Variants in ENOSF1 observed in about 807,000 individuals in gnomAD.
The protein encoded by ENOSF1 is mitochondrial enolase superfamily member 1.
In ENOSF1, 73 loss-of-function variants were observed where a neutral mutation model predicts 68.2. The observed-to-expected ratio is 1.07, with a 90% confidence interval of 0.89 to 1.30. The LOEUF (loss-of-function observed/expected upper bound fraction) is 1.30. Ranked by LOEUF, ENOSF1 falls within the 50% of genes most tolerant of loss-of-function variation. The probability of loss-of-function intolerance (pLI) is 0.00; values close to 1 mark genes in which losing one functional copy is unlikely to be tolerated. For missense variants in ENOSF1, 589 were observed against 554.5 expected (o/e 1.06, Z -0.62); for synonymous variants, 223 against 210.4 (o/e 1.06, Z -0.52).
Position 708,553 on chromosome 18 carries a change from T to C in ENOSF1, c.85-1975A>G, listed in dbSNP as rs1305462632. Among the ~76,000 whole-genome samples, 3 of 152,018 alleles carry C rather than the reference T, an allele frequency of 2.0e-5. No homozygotes were observed. In the South Asian group the frequency reaches 6.2e-4, roughly 32 times the overall value. On this transcript the variant is annotated intron_variant, in intron 1 of 15. Transcript: ENST00000647584. ...TGGTTAAAAAAAAACCTTAATAATA[T>C]AAGGCAGAAAATGCTAAGGCCTGGG... is the stretch of plus-strand genomic sequence containing the variant.
At chr18:669,621 C>T (rs1410919929), downstream of ENOSF1, among the ~76,000 whole-genome samples, 1 of 152,012 alleles carries the variant, frequency 6.6e-6, no homozygotes, top group East Asian at 1.9e-4. Context: ...ATCTGCCTGC[C>T]TCAGCCTCCC....
chr18:693,478 A>G, intron 5 of ENOSF1: 1 of 985,354 alleles, frequency 1.0e-6, no homozygotes, highest in Non-Finnish European at 1.2e-6. Flanking sequence ...CCTGGCCTGG[A>G]TAATATCTTC....
chr18:672,669 G>A lies in ENOSF1; in HGVS notation c.*1636C>T, dbSNP rs1010357412. On this transcript the variant is annotated 3_prime_UTR_variant, in exon 16 of 16. Transcript: ENST00000647584. ...ATGTCACAAAATACCCCTCACTCTCGATCTGTGCAAGAGAACAGCTGGTTG... is the reference window on the plus strand; with the variant it reads ...ATGTCACAAAATACCCCTCACTCTCAATCTGTGCAAGAGAACAGCTGGTTG... The A allele has an allele frequency of 1.3e-5, 6 of 479,208 alleles. No homozygotes were observed. The highest frequency in any genetic ancestry group is 6.2e-5 in the South Asian group (1 of 16,026). 29.7% of individuals were successfully genotyped at this position (479,208 alleles called of 1,614,324 possible).
chr18:693,592 A>G (rs1433834715), intron 5 of ENOSF1: 1 of 985,314 alleles, frequency 1.0e-6, no homozygotes, highest in African/African-American at 1.7e-5. Context: ...CTCTTGTCAT[A>G]GTCAGGCAAT....
At chr18:667,856 C>G (rs957387132), downstream of ENOSF1, 9 of 151,956 alleles carry the variant, frequency 5.9e-5, no homozygotes, top group Non-Finnish European at 1.0e-4. Flanking sequence ...GCCTAGTATT[C>G]AATTATTTCT....
At chr18:666,087 G>A (rs1431198364), downstream of ENOSF1, among the ~76,000 whole-genome samples, 9 of 105,382 alleles carry the variant, frequency 8.5e-5, 1 homozygote, top group Non-Finnish European at 1.4e-4. Flanking sequence ...TTTCTGTCTC[G>A]TTGATCTGTC....
rs191727615 is a variant in ENOSF1 at position 671,845 on chromosome 18, T to A, written c.*2460A>T. 9.9e-6 allele frequency: 2 copies of A among 202,882 alleles called. No homozygotes were observed. The highest frequency in any genetic ancestry group is 4.8e-5 in the African/African-American group (2 of 41,864). 12.6% of individuals were successfully genotyped at this position (202,882 alleles called of 1,614,324 possible). A position where few individuals can be genotyped will look rare whatever the true frequency, so the allele number is the denominator to read the frequency against. On this transcript the variant is annotated 3_prime_UTR_variant, in exon 16 of 16. Coordinates refer to ENST00000647584, the MANE Select transcript of ENOSF1 (RefSeq NM_017512.7). ...CAGGCTGGAGTGTGCCGTGGTGCGA[T>A]CTCAGCTCACTGCAACCTCCACCTC...
rs765531508 is a variant in ENOSF1 at position 694,338 on chromosome 18, G to A, written c.310-4C>T. The A allele has an allele frequency of 1.2e-6, 2 of 1,613,988 alleles. No individual in the cohort carries two copies. The highest frequency in any genetic ancestry group is 1.3e-5 in the African/African-American group (1 of 75,012). On this transcript the variant is annotated splice_region_variant and splice_polypyrimidine_tract_variant and intron_variant, in intron 3 of 15. Transcript: ENST00000647584. ...CCACGCCCTTTTCTGGACCAATCTGGTTAGGAAGCAAAGTACAAAAGCACT... is the reference window on the plus strand; with the variant it reads ...CCACGCCCTTTTCTGGACCAATCTGATTAGGAAGCAAAGTACAAAAGCACT...
intron 3 of ENOSF1, among the ~76,000 whole-genome samples, chr18:696,346 G>A (rs2077727642): frequency 6.6e-6 from 1 of 151,484 alleles, no homozygotes; most frequent in Non-Finnish European, 1.5e-5. Flanking sequence ...TGAGTAACTG[G>A]GACTATAGGC....
intron 12 of ENOSF1, chr18:678,334 G>A (rs990555116): frequency 2.1e-5 from 7 of 331,844 alleles, no homozygotes; most frequent in African/African-American, 6.4e-5. Flanking sequence ...GCAGGCACTC[G>A]GGCTTCATTT....
intron 2 of ENOSF1, among the ~76,000 whole-genome samples, chr18:700,521 T>TG (rs1455693688): frequency 5.9e-5 from 9 of 152,316 alleles, no homozygotes; most frequent in African/African-American, 2.2e-4. Flanking sequence ...GCAGCACTTA[T>TG]GTATTCATCT....
At chr18:667,710 C>T (rs1335276390), downstream of ENOSF1, 1 of 152,140 alleles carries the variant, frequency 6.6e-6, no homozygotes. Context: ...TGTACTTTAT[C>T]ACAATGAAAA....
chr18:669,276 T>G, downstream of ENOSF1: 1 of 870,916 alleles, frequency 1.1e-6, no homozygotes, highest in Non-Finnish European at 1.8e-6. Context: ...CCCTGGGAAC[T>G]TCCCCCAGCC....
intron 2 of ENOSF1, among the ~76,000 whole-genome samples, chr18:703,673 C>G (rs2078614989): frequency 6.6e-6 from 1 of 152,170 alleles, no homozygotes; most frequent in African/African-American, 2.4e-5. Context: ...CGAGACTCAC[C>G]TCAAAGCATT....
chr18:690,673 G>A, intron 7 of ENOSF1, 42 bp from the exon 8 acceptor site: 2 of 1,379,490 alleles, frequency 1.4e-6, no homozygotes, highest in African/African-American at 3.3e-5. Context: ...ACTTTCCAGG[G>A]CCCTTCGGAA....
intron 3 of ENOSF1, among the ~76,000 whole-genome samples, chr18:696,204 C>CTTTTTTTT (rs368856668): frequency 6.8e-4 from 81 of 118,702 alleles, no homozygotes; most frequent in East Asian, 2.4e-3. Context: ...ACATCTCTCT[C>CTTTTTTTT]TTTTTTTTTT....
intron 2 of ENOSF1, among the ~76,000 whole-genome samples, chr18:704,351 C>G (rs756781404): frequency 4.8e-5 from 7 of 147,000 alleles, no homozygotes; most frequent in Non-Finnish European, 7.4e-5. Flanking sequence ...ATTGCTTGAA[C>G]CCGGGAGGTG....
At chr18:682,962 C>A in intron 11 of ENOSF1, 1 of 356,736 alleles carries the variant, frequency 2.8e-6, no homozygotes, top group East Asian at 5.2e-5. Context: ...ATTTACAAAG[C>A]ATAGGAACCA....
chr18:700,890 C>CAAAAAAAAAAAA, intron 2 of ENOSF1, among the ~76,000 whole-genome samples: 1 of 64,916 alleles, frequency 1.5e-5, no homozygotes, highest in African/African-American at 6.1e-5. Context: ...AACTCTGCCT[C>CAAAAAAAAAAAA]AAAAAAAAAA....
Sources: allele counts gnomAD v4.1 joint callset (sites outside exome capture counted in the v4.1 genomes callset), GRCh38; gene constraint gnomAD v4.1.1; transcripts MANE v1.5; gene names NCBI Gene and HGNC (gene_info 2026-07-23, HGNC 2026-07-21).